BMP5: variants seen among roughly 807,000 people sequenced by gnomAD.
BMP5 encodes bone morphogenetic protein 5.
In BMP5, 23 loss-of-function variants were observed where a neutral mutation model predicts 46.6. The observed-to-expected ratio is 0.49, with a 90% CI of 0.35 to 0.70. The LOEUF is 0.70. Among genes scored for constraint, BMP5 ranks in the 30% least tolerant of loss-of-function variants. BMP5 has a pLI of 0.00. For missense variants in BMP5, 545 were observed against 565.6 expected (o/e 0.96, Z 0.37); for synonymous variants, 204 against 191.9 (o/e 1.06, Z -0.52).
At chr6:55,790,316 C>T (rs1366527992) in intron 3 of BMP5, among the ~76,000 whole-genome samples, 1 of 152,130 alleles carries the variant, frequency 6.6e-6, no homozygotes, top group East Asian at 1.9e-4. Context: ...CCATTCAAGA[C>T]ATTTTCAATA....
rs148450822 is a variant in BMP5 at position 55,755,649 on chromosome 6, G to T, written c.1249C>A (p.Pro417Thr). ...TTTAATTTGGTTGGAGCACAACAAG[G>T]CTTTGGTACGTGGTCAGGAAACATC... ...HLMFPDHVPK[P>T]CCAPTKLNAI... Residue 417 changes from proline to threonine, a missense_variant, in exon 7 of 7, where the codon CCT becomes ACT. By Grantham distance (38) the Pro-to-Thr change is conservative. Coordinates refer to ENST00000370830, the MANE Select transcript of BMP5 (RefSeq NM_021073.4). 8.1e-6 allele frequency: 13 copies of T among 1,612,264 alleles called. No individual in the cohort carries two copies. The highest frequency in any genetic ancestry group is 1.7e-5 in the Admixed American group (1 of 59,792).
chr6:55,813,747 A>G (rs978055972), intron 2 of BMP5, among the ~76,000 whole-genome samples: 2 of 150,650 alleles, frequency 1.3e-5, no homozygotes, highest in Non-Finnish European at 2.9e-5. Flanking sequence ...AGATTGCGCC[A>G]CTGCACTCCA....
chr6:55,851,739 A>G (rs1374518667), intron 1 of BMP5, among the ~76,000 whole-genome samples: 2 of 152,204 alleles, frequency 1.3e-5, no homozygotes, highest in Non-Finnish European at 2.9e-5. Context: ...AATTTTAAAC[A>G]CTTGTCATGG....
chr6:55,755,901 C>A (rs1774581928), intron 6 of BMP5, among the ~76,000 whole-genome samples: 1 of 151,820 alleles, frequency 6.6e-6, no homozygotes, highest in Non-Finnish European at 1.5e-5. Context: ...GTGTTTGAAC[C>A]TTGAAAAATA....
At chr6:55,791,845 G>C (rs1018182379) in intron 3 of BMP5, among the ~76,000 whole-genome samples, 1 of 152,162 alleles carries the variant, frequency 6.6e-6, no homozygotes, top group Admixed American at 6.5e-5. Context: ...TCCCCAAAGA[G>C]GAGAGTGGGA....
chr6:55,852,557 T>A (rs1326068395), intron 1 of BMP5, among the ~76,000 whole-genome samples: 2 of 152,060 alleles, frequency 1.3e-5, no homozygotes, highest in East Asian at 3.8e-4. Flanking sequence ...CATCATAGTC[T>A]CTGAGTGCTC....
intron 1 of BMP5, among the ~76,000 whole-genome samples, chr6:55,867,083 T>A (rs1040756893): frequency 1.3e-5 from 2 of 152,182 alleles, no homozygotes; most frequent in Admixed American, 6.5e-5. Context: ...TATTCTGCTA[T>A]TCTCACCAAA....
intron 1 of BMP5, among the ~76,000 whole-genome samples, chr6:55,864,596 C>T (rs987952959): frequency 1.3e-5 from 2 of 152,150 alleles, no homozygotes; most frequent in East Asian, 1.9e-4. Flanking sequence ...ATAAATTACT[C>T]AGTCTCAGGT....
intron 1 of BMP5, among the ~76,000 whole-genome samples, chr6:55,858,784 C>A (rs1345842920): frequency 1.3e-5 from 2 of 152,190 alleles, no homozygotes; most frequent in Admixed American, 6.5e-5. Context: ...CACATATACA[C>A]AATGGAATAC....
intron 2 of BMP5, among the ~76,000 whole-genome samples, chr6:55,802,478 AG>A (rs1228514513): frequency 6.6e-6 from 1 of 152,146 alleles, no homozygotes; most frequent in African/African-American, 2.4e-5. Flanking sequence ...GGAAAATCAC[AG>A]TTCATTGCAG....
At chr6:55,837,369 A>ATAGATAGATAGATAGATG (rs1776836404) in intron 1 of BMP5, among the ~76,000 whole-genome samples, 6 of 149,078 alleles carry the variant, frequency 4.0e-5, no homozygotes, top group Admixed American at 1.3e-4. Context: ...ATAGATAGAT[A>ATAGATAGATAGATAGATG]GATAGATAGA....
intron 2 of BMP5, 152 bp downstream of exon 2, chr6:55,819,503 G>A (rs1776357346): frequency 1.2e-5 from 8 of 678,428 alleles, no homozygotes; most frequent in South Asian, 5.8e-5. Context: ...GATCGATTAC[G>A]GTTACCTTTC....
chr6:55,855,179 A>T (rs1777359111), intron 1 of BMP5, among the ~76,000 whole-genome samples: 2 of 152,118 alleles, frequency 1.3e-5, no homozygotes, highest in South Asian at 4.1e-4. Flanking sequence ...ATGCTGGCTC[A>T]TACCTGTAAT....
At chr6:55,768,432 A>T (rs907799405) in intron 4 of BMP5, among the ~76,000 whole-genome samples, 1 of 151,928 alleles carries the variant, frequency 6.6e-6, no homozygotes, top group African/African-American at 2.4e-5. Flanking sequence ...TAAGATATTC[A>T]AAACTTAATT....
intron 1 of BMP5, among the ~76,000 whole-genome samples, chr6:55,829,467 C>A (rs9382559): frequency 0.1 from 15,307 of 151,448 alleles, 889 homozygotes; most frequent in East Asian, 0.14. Flanking sequence ...CTGCTCATGC[C>A]ACAAAATAGT....
At chr6:55,806,969 G>A (rs1776005940) in intron 2 of BMP5, among the ~76,000 whole-genome samples, 1 of 152,146 alleles carries the variant, frequency 6.6e-6, no homozygotes, top group Non-Finnish European at 1.5e-5. Context: ...GAGTTTGGGG[G>A]CTGAGACAAT....
chr6:55,807,728 C>G, intron 2 of BMP5, among the ~76,000 whole-genome samples: 1 of 152,102 alleles, frequency 6.6e-6, no homozygotes, highest in South Asian at 2.1e-4. Context: ...ATTACTGGCT[C>G]AATTTCAGAA....
At chr6:55,792,801 A>G (rs1228582131) in intron 3 of BMP5, among the ~76,000 whole-genome samples, 1 of 152,190 alleles carries the variant, frequency 6.6e-6, no homozygotes, top group Non-Finnish European at 1.5e-5. Flanking sequence ...TTATTAAACA[A>G]GGCTTTTGTG....
At chr6:55,867,529 G>A (rs761171781) in intron 1 of BMP5, among the ~76,000 whole-genome samples, 3 of 152,218 alleles carry the variant, frequency 2.0e-5, no homozygotes, top group Admixed American at 6.5e-5. Context: ...TGGGGCAGGC[G>A]GGAAGGGATG....
Sources: allele counts gnomAD v4.1 joint callset (sites outside exome capture counted in the v4.1 genomes callset), GRCh38; gene constraint gnomAD v4.1.1; transcripts MANE v1.5; gene names NCBI Gene and HGNC (gene_info 2026-07-23, HGNC 2026-07-21).